The following MTG1 variants were observed in gnomAD, a reference collection of about 807,000 sequenced individuals.
The protein encoded by MTG1 is mitochondrial ribosome associated GTPase 1.
In MTG1, 30 loss-of-function variants were observed where a neutral mutation model predicts 39.5. The observed-to-expected ratio is 0.76, with a 90% CI of 0.57 to 1.03. The LOEUF (loss-of-function observed/expected upper bound fraction) is 1.03, where lower values mean the gene tolerates loss of function less well. Among genes scored for constraint, MTG1 ranks in the 50% least tolerant of loss-of-function variants. The probability of loss-of-function intolerance (pLI) is 0.00; values close to 1 mark genes in which losing one functional copy is unlikely to be tolerated. For missense variants in MTG1, 513 were observed against 447.4 expected (o/e 1.15, Z -1.32); for synonymous variants, 217 against 179.0 (o/e 1.21, Z -1.69).
intron 1 of MTG1, 33 bp downstream of exon 1, chr10:133,394,365 C>T (rs898609804): frequency 5.1e-5 from 73 of 1,441,136 alleles, no homozygotes; most frequent in Non-Finnish European, 6.5e-5. Context: ...AAGGTCATGC[C>T]TACGGCCGCG....
Position 133,394,236 on chromosome 10 carries a change from CGCGCGCTGTGCA to C in MTG1, c.21_32del (p.Leu8_Ala11del). On this transcript the variant is annotated inframe_deletion, in exon 1 of 11. Transcript: ENST00000317502. ...CGGTGCCGCCATGAGATTGACCCCG[CGCGCGCTGTGCA>C]GCGCCGCCCAGGCCGCCTGGCGGGA... 1 of 1,516,662 alleles carries C rather than the reference CGCGCGCTGTGCA, an allele frequency of 6.6e-7. No individual in the cohort carries two copies. Among genetic ancestry groups the C allele is most frequent in the African/African-American group, 1.4e-5 (1 of 69,510 alleles). 94.0% of individuals were successfully genotyped at this position (1,516,662 alleles called of 1,614,324 possible). A position where few individuals can be genotyped will look rare whatever the true frequency, so the allele number is the denominator to read the frequency against.
Position 133,420,408 on chromosome 10 carries a change from C to T in MTG1, c.*243C>T, listed in dbSNP as rs935643391. 2.7e-5 allele frequency: 12 copies of T among 436,600 alleles called. No homozygotes were observed. Among genetic ancestry groups the T allele is most frequent in the African/African-American group, 4.0e-5 (2 of 49,456 alleles). The allele number at this position is 436,600 out of a possible 1,614,324, so 27.0% of individuals were successfully genotyped here. A position where few individuals can be genotyped will look rare whatever the true frequency, so the allele number is the denominator to read the frequency against. ...AGCAGCTCCGCATGCTTGGTTCTCC[C>T]GGAGCTTCCTGCTCAGGCCTCTTGA... is the stretch of plus-strand genomic sequence containing the variant. On this transcript the variant is annotated 3_prime_UTR_variant, in exon 11 of 11. Transcript: ENST00000317502.
chr10:133,413,175 A>C (rs1353993295), intron 9 of MTG1, among the ~76,000 whole-genome samples: 2 of 152,156 alleles, frequency 1.3e-5, no homozygotes, highest in Non-Finnish European at 2.9e-5. Context: ...CAGAGGTACA[A>C]TGTTGTCTCA....
intron 6 of MTG1, among the ~76,000 whole-genome samples, chr10:133,401,140 A>G (rs1490335053): frequency 6.6e-6 from 1 of 152,152 alleles, no homozygotes; most frequent in Non-Finnish European, 1.5e-5. Flanking sequence ...GGGTGGGTCC[A>G]GGAGGGAGGT....
At chr10:133,416,293 G>A (rs969096570) in intron 9 of MTG1, among the ~76,000 whole-genome samples, 3 of 151,380 alleles carry the variant, frequency 2.0e-5, no homozygotes, top group Admixed American at 2.0e-4. Flanking sequence ...TCTAACATTG[G>A]GTCAGTTTGA....
intron 9 of MTG1, among the ~76,000 whole-genome samples, chr10:133,405,521 T>C (rs1849957611): frequency 6.6e-6 from 1 of 152,218 alleles, no homozygotes; most frequent in Non-Finnish European, 1.5e-5. Context: ...CCTCTGGTAA[T>C]CACCAGTCTG....
At chr10:133,401,076 C>T (rs1011898122) in intron 6 of MTG1, among the ~76,000 whole-genome samples, 7 of 152,198 alleles carry the variant, frequency 4.6e-5, no homozygotes, top group South Asian at 2.1e-4. Flanking sequence ...GGTCCTAGAG[C>T]AGCCAGTCGC....
In MTG1 at chr10:133,406,187, GTTT is replaced by G. The variant is rs539589085; in HGVS notation, c.752+3420_752+3422del. ...CTGTCCATTTTTAAATAGTTATGTG[GTTT>G]TTTTTGCTGTTGAGTTGAATTGCTT... On this transcript the variant is annotated intron_variant, in intron 9 of 10. Coordinates refer to ENST00000317502, the MANE Select transcript of MTG1 (RefSeq NM_138384.4). Among the ~76,000 whole-genome samples, 97 of 151,878 alleles carry G rather than the reference GTTT, an allele frequency of 6.4e-4. 2 individuals carry two copies. The highest frequency in any genetic ancestry group is 4.1e-3 in the Admixed American group (63 of 15,242).
At chr10:133,405,321 C>A (rs971134862) in intron 9 of MTG1, among the ~76,000 whole-genome samples, 2 of 152,182 alleles carry the variant, frequency 1.3e-5, no homozygotes, top group Admixed American at 1.3e-4. Context: ...TATTTTGATG[C>A]ATTCATACAA....
At chr10:133,397,668 C>T (rs939388239) in intron 3 of MTG1, among the ~76,000 whole-genome samples, 10 of 151,820 alleles carry the variant, frequency 6.6e-5, no homozygotes, top group Admixed American at 2.0e-4. Flanking sequence ...TTAGTAGAGA[C>T]GGGGTTTCAC....
At chr10:133,396,659 A>G (rs1358660089) in intron 3 of MTG1, among the ~76,000 whole-genome samples, 6 of 152,254 alleles carry the variant, frequency 3.9e-5, no homozygotes, top group Non-Finnish European at 8.8e-5. Flanking sequence ...TAGGTCATAG[A>G]TATGATTGTA....
intron 9 of MTG1, among the ~76,000 whole-genome samples, chr10:133,404,390 G>A (rs1250888207): frequency 6.6e-6 from 1 of 152,070 alleles, no homozygotes; most frequent in African/African-American, 2.4e-5. Flanking sequence ...GCCTCCCAAA[G>A]CATTAGGATT....
Position 133,422,481 on chromosome 10 carries a change from C to G in MTG1, c.*2316C>G, listed in dbSNP as rs200788034. 13 of 152,426 alleles carry G rather than the reference C, an allele frequency of 8.5e-5. No individual in the cohort carries two copies. In the East Asian group the frequency reaches 1.5e-3, roughly 18 times the overall value. 9.4% of individuals were successfully genotyped at this position (152,426 alleles called of 1,614,324 possible). A position where few individuals can be genotyped will look rare whatever the true frequency, so the allele number is the denominator to read the frequency against. ...TCTGGAATGTGTTGGTTTTTCCCCC[C>G]CAAAATGGGTCCTAAGGAGGGTAAA... On this transcript the variant is annotated 3_prime_UTR_variant, in exon 11 of 11. Coordinates refer to ENST00000317502, the MANE Select transcript of MTG1 (RefSeq NM_138384.4).
intron 5 of MTG1, 77 bp downstream of exon 5, chr10:133,399,303 A>G: frequency 8.4e-6 from 13 of 1,539,774 alleles, no homozygotes; most frequent in Non-Finnish European, 1.1e-5. Context: ...GGCCTCTCCA[A>G]GGAGAAGGCG....
intron 6 of MTG1, chr10:133,399,877 A>G: frequency 6.7e-6 from 3 of 445,506 alleles, no homozygotes; most frequent in Non-Finnish European, 4.0e-6. Flanking sequence ...GGCTTTTCTA[A>G]ACTTTGATAT....
intron 7 of MTG1, 174 bp downstream of exon 7, chr10:133,401,764 C>T (rs755456362): frequency 1.4e-6 from 1 of 729,776 alleles, no homozygotes; most frequent in South Asian, 1.5e-5. Context: ...CCACAGTCGT[C>T]ATAGTCTTTG....
Position 133,421,866 on chromosome 10 carries a change from C to A in MTG1, c.*1701C>A, listed in dbSNP as rs10857714. On this transcript the variant is annotated 3_prime_UTR_variant, in exon 11 of 11. Coordinates refer to ENST00000317502, the MANE Select transcript of MTG1 (RefSeq NM_138384.4). ...CAGTCCGGCTGAGGGCGAGGCTGTC[C>A]CCAGGACATGGAGAGGGTGAGATCC... 53,114 of 144,514 alleles carry A rather than the reference C, an allele frequency of 0.37. 10,922 individuals are homozygous for A. Among genetic ancestry groups the A allele is most frequent in the African/African-American group, 0.51 (19,869 of 39,254 alleles). The allele number at this position is 144,514 out of a possible 1,614,324, so 9.0% of individuals were successfully genotyped here. A position where few individuals can be genotyped will look rare whatever the true frequency, so the allele number is the denominator to read the frequency against.
In MTG1 at chr10:133,420,376, G is replaced by A. The variant is rs1016964692; in HGVS notation, c.*211G>A. The A allele has an allele frequency of 5.3e-5, 27 of 507,044 alleles. No individual in the cohort carries two copies. The highest frequency in any genetic ancestry group is 8.4e-5 in the Non-Finnish European group (25 of 296,396). 31.4% of individuals were successfully genotyped at this position (507,044 alleles called of 1,614,324 possible). A position where few individuals can be genotyped will look rare whatever the true frequency, so the allele number is the denominator to read the frequency against. ...GTGGACACCAGGCTTCCCAGTGGAC[G>A]TCCCTGAGCAGCTCCGCATGCTTGG... On this transcript the variant is annotated 3_prime_UTR_variant, in exon 11 of 11. Transcript: ENST00000317502.
chr10:133,398,769 T>C (rs1849825528), intron 4 of MTG1, among the ~76,000 whole-genome samples: 1 of 152,168 alleles, frequency 6.6e-6, no homozygotes, highest in Admixed American at 6.5e-5. Flanking sequence ...AGCTCATGTT[T>C]CCAGTTGTAT....
Sources: allele counts gnomAD v4.1 joint callset (sites outside exome capture counted in the v4.1 genomes callset), GRCh38; gene constraint gnomAD v4.1.1; transcripts MANE v1.5; gene names NCBI Gene and HGNC (gene_info 2026-07-23, HGNC 2026-07-21).